The following NIPAL1 variants were observed in gnomAD, a reference collection of about 807,000 sequenced individuals.
The protein encoded by NIPAL1 is NIPA like domain containing 1.
NIPAL1 carries 35 observed loss-of-function variants against 37.7 expected under a neutral mutation model. The ratio of observed to expected loss-of-function variants is 0.93; its 90% confidence interval spans 0.71 to 1.23. The LOEUF (loss-of-function observed/expected upper bound fraction) is 1.23, where lower values mean the gene tolerates loss of function less well. Ranked by LOEUF, NIPAL1 falls within the 50% of genes most tolerant of loss-of-function variation. The pLI, the probability that NIPAL1 is intolerant of heterozygous loss-of-function variation, is 0.00. For synonymous variants in NIPAL1, 162 were observed against 183.0 expected, an observed-to-expected ratio of 0.89 and a Z score of 0.93; for missense variants, 412 against 473.9, an observed-to-expected ratio of 0.87 and a Z score of 1.21.
At chr4:48,021,583 T>C (rs1715568066) in intron 1 of NIPAL1, among the ~76,000 whole-genome samples, 1 of 152,144 alleles carries the variant, frequency 6.6e-6, no homozygotes. Flanking sequence ...TAAATATCAA[T>C]CAACTATAAA....
At position 48,038,675 on chromosome 4, in the gene NIPAL1, A is replaced by G. The variant is rs576199181; in HGVS notation, c.*2503A>G. 3.3e-5 allele frequency: 5 copies of G among 152,294 alleles called. No homozygotes were observed. In the Middle Eastern group the frequency reaches 0.014, roughly 414 times the overall value. The allele number at this position is 152,294 out of a possible 1,614,324, so 9.4% of individuals were successfully genotyped here. The stretch of plus-strand genomic sequence containing the variant: ...AAATTTTAATATTTTTTCTTTTAAT[A>G]TTAAGAACTTTATTGATCTCTCTAG... On this transcript the variant is annotated 3_prime_UTR_variant, in exon 6 of 6. Transcript: ENST00000295461.
chr4:48,021,463 T>A (rs1715566182), intron 1 of NIPAL1, among the ~76,000 whole-genome samples: 1 of 152,212 alleles, frequency 6.6e-6, no homozygotes, highest in Non-Finnish European at 1.5e-5. Context: ...GGTTGAAACA[T>A]ATGAAACTAC....
Position 48,034,806 on chromosome 4 carries a change from G to C in NIPAL1, c.462-75G>C, listed in dbSNP as rs139367808. On this transcript the variant is annotated intron_variant, in intron 4 of 5. Coordinates refer to ENST00000295461, the MANE Select transcript of NIPAL1 (RefSeq NM_207330.3). ...GGGATACATGGTGGCATGTACCACA[G>C]TGTGACTTCTGAGCTGCCATGGGAT... is the stretch of plus-strand genomic sequence containing the variant. The C allele has an allele frequency of 3.6e-6, 4 of 1,105,200 alleles. No individual in the cohort carries two copies. The East Asian group carries it at 7.1e-5, about 20-fold the overall frequency. The allele number at this position is 1,105,200 out of a possible 1,614,324, so 68.5% of individuals were successfully genotyped here.
chr4:48,036,594 G>C lies in NIPAL1; in HGVS notation c.*422G>C, dbSNP rs1468810602. 2 of 169,660 alleles carry C rather than the reference G, an allele frequency of 1.2e-5. No homozygotes were observed. The highest frequency in any genetic ancestry group is 1.2e-5 in the Non-Finnish European group (1 of 81,022). 10.5% of individuals were successfully genotyped at this position (169,660 alleles called of 1,614,324 possible). A position where few individuals can be genotyped will look rare whatever the true frequency, so the allele number is the denominator to read the frequency against. ...TGAGTCATAATTTCAAACTCAACAA[G>C]ATTTCAGAAAGGTATAATCATGTAA... On this transcript the variant is annotated 3_prime_UTR_variant, in exon 6 of 6. Coordinates refer to ENST00000295461, the MANE Select transcript of NIPAL1 (RefSeq NM_207330.3).
intron 1 of NIPAL1, among the ~76,000 whole-genome samples, chr4:48,023,135 C>T (rs1378680516): frequency 6.6e-6 from 1 of 150,914 alleles, no homozygotes; most frequent in East Asian, 2.0e-4. Context: ...GTCTTGAACT[C>T]CGGGGCTCAA....
In NIPAL1 at chr4:48,025,220, A is replaced by G; in HGVS notation, c.199A>G (p.Ser67Gly). The G allele has an allele frequency of 6.2e-7, 1 of 1,614,132 alleles. No homozygotes were observed. The highest frequency in any genetic ancestry group is 8.5e-7 in the Non-Finnish European group (1 of 1,180,000). ...SISANVENKY[S>G]LYVGLVLAVS... ...TTCAGCAAATGTAGAAAACAAATACAGTCTTTATGTGGGCTTGGTACTGGC... is the reference window on the plus strand; with the variant it reads ...TTCAGCAAATGTAGAAAACAAATACGGTCTTTATGTGGGCTTGGTACTGGC... Residue 67 changes from serine to glycine, a missense_variant, in exon 2 of 6, where the codon AGT becomes GGT. Ser to Gly is a moderately conservative substitution (Grantham distance 56, BLOSUM62 0). Transcript: ENST00000295461.
intron 4 of NIPAL1, among the ~76,000 whole-genome samples, chr4:48,034,425 C>T (rs1042605853): frequency 2.6e-5 from 4 of 152,148 alleles, no homozygotes; most frequent in Admixed American, 2.6e-4. Flanking sequence ...GATTGGATAC[C>T]CCTGGTCCGT....
At chr4:48,034,522 T>C (rs1177147262) in intron 4 of NIPAL1, among the ~76,000 whole-genome samples, 4 of 152,222 alleles carry the variant, frequency 2.6e-5, no homozygotes, top group Non-Finnish European at 5.9e-5. Flanking sequence ...GAAACATCCA[T>C]GGGCATACAT....
At chr4:48,034,039 T>C (rs1407929782) in intron 4 of NIPAL1, among the ~76,000 whole-genome samples, 1 of 152,200 alleles carries the variant, frequency 6.6e-6, no homozygotes, top group Admixed American at 6.5e-5. Context: ...ATCATAATCT[T>C]GAGGACAGAT....
At chr4:48,028,930 G>A (rs1430631474) in intron 2 of NIPAL1, among the ~76,000 whole-genome samples, 2 of 152,162 alleles carry the variant, frequency 1.3e-5, no homozygotes, top group Non-Finnish European at 2.9e-5. Flanking sequence ...ATGTTGACAA[G>A]AATGCAGAGA....
At chr4:48,017,859 TACAC>T (rs1443635626) in intron 1 of NIPAL1, among the ~76,000 whole-genome samples, 1 of 46,824 alleles carries the variant, frequency 2.1e-5, no homozygotes, top group Non-Finnish European at 7.0e-5. Context: ...ATAGTTCCCT[TACAC>T]ATATATATAT....
At chr4:48,017,515 G>A (rs1487379232) in intron 1 of NIPAL1, among the ~76,000 whole-genome samples, 1 of 152,220 alleles carries the variant, frequency 6.6e-6, no homozygotes, top group Non-Finnish European at 1.5e-5. Context: ...GGCGAGAGCC[G>A]TACTGGAGAG....
chr4:48,035,667 G>A lies in NIPAL1; in HGVS notation c.728G>A (p.Cys243Tyr). Residue 243 changes from cysteine to tyrosine, a missense_variant, in exon 6 of 6, where the codon TGT becomes TAT. Coordinates refer to ENST00000295461, the MANE Select transcript of NIPAL1 (RefSeq NM_207330.3). ...QTNILVYISI[C>Y]SLIGAFSVSS... ...AATATATTGGTTTATATTTCAATCT[G>A]TTCCTTGATTGGAGCGTTTTCAGTT... is the stretch of plus-strand genomic sequence containing the variant. The A allele has an allele frequency of 6.2e-7, 1 of 1,613,862 alleles. No homozygotes were observed.
rs1056318033 is a variant in NIPAL1, at chr4:48,040,029, A to C, written c.*3857A>C. The C allele has an allele frequency of 2.6e-5, 4 of 152,236 alleles. No individual in the cohort carries two copies. The highest frequency in any genetic ancestry group is 5.9e-5 in the Non-Finnish European group (4 of 68,032). The allele number at this position is 152,236 out of a possible 1,614,324, so 9.4% of individuals were successfully genotyped here. A position where few individuals can be genotyped will look rare whatever the true frequency, so the allele number is the denominator to read the frequency against. On this transcript the variant is annotated 3_prime_UTR_variant, in exon 6 of 6. Coordinates refer to ENST00000295461, the MANE Select transcript of NIPAL1 (RefSeq NM_207330.3). ...CAAAGCTTTGTGGAAAAATATATGA[A>C]TATATGAAATGTTCTCAAATATTTT... is the stretch of plus-strand genomic sequence containing the variant.
At chr4:48,028,449 TA>T (rs1045683265) in intron 2 of NIPAL1, among the ~76,000 whole-genome samples, 3 of 152,056 alleles carry the variant, frequency 2.0e-5, no homozygotes, top group African/African-American at 7.2e-5. Flanking sequence ...AACTTAAATG[TA>T]AAACCTGAAA....
chr4:48,028,657 C>T (rs1248687809), intron 2 of NIPAL1, among the ~76,000 whole-genome samples: 1 of 151,976 alleles, frequency 6.6e-6, no homozygotes, highest in South Asian at 2.1e-4. Flanking sequence ...GGAGAAAAAA[C>T]TTGCAAACTA....
intron 2 of NIPAL1, among the ~76,000 whole-genome samples, chr4:48,025,918 C>T (rs193168379): frequency 2.2e-4 from 34 of 152,216 alleles, no homozygotes; most frequent in Admixed American, 1.2e-3. Context: ...CTTCCCATTG[C>T]GTGGAACCCT....
At chr4:48,017,329 G>A (rs1179462545) in intron 1 of NIPAL1, among the ~76,000 whole-genome samples, 1 of 152,208 alleles carries the variant, frequency 6.6e-6, no homozygotes, top group African/African-American at 2.4e-5. Context: ...GTTCTGCGCT[G>A]CGCCCTGCGC....
chr4:48,029,571 T>G (rs1353612531), intron 2 of NIPAL1, among the ~76,000 whole-genome samples: 1 of 152,200 alleles, frequency 6.6e-6, no homozygotes, highest in Non-Finnish European at 1.5e-5. Context: ...CTGAATCTAT[T>G]TTAAAAATCA....
Sources: gnomAD v4.1 joint callset for allele counts (sites outside exome capture counted in the v4.1 genomes callset) on GRCh38, gnomAD v4.1.1 for gene constraint, MANE v1.5 for transcripts, NCBI Gene and HGNC (gene_info 2026-07-23, HGNC 2026-07-21) for gene names.